ANK2: variants seen among roughly 807,000 people sequenced by gnomAD.
ANK2 encodes ankyrin-2.
Under a neutral mutation model 360.5 loss-of-function variants are expected in ANK2, and 83 were observed. The ratio of observed to expected loss-of-function variants is 0.23; its 90% CI spans 0.19 to 0.28. The LOEUF is 0.28. ANK2 is among the 10% of genes least tolerant of loss of function. The pLI, the probability that ANK2 is intolerant of heterozygous loss-of-function variation, is 1.00. For synonymous variants in ANK2, 1,740 were observed against 1,759.5 expected, an observed-to-expected ratio of 0.99 and a Z score of 0.28; for missense variants, 4,201 against 4,795.7, an observed-to-expected ratio of 0.88 and a Z score of 3.66.
chr4:112,789,833 C>T, the ANK2 span, among the ~76,000 whole-genome samples: 1 of 152,328 alleles, frequency 6.6e-6, no homozygotes. Context: ...CAAAACCTCT[C>T]TCTCTTTGCA....
chr4:113,355,162 T>C lies in ANK2; in HGVS notation c.6544T>C (p.Tyr2182His). 1 of 1,614,116 alleles carries C rather than the reference T, an allele frequency of 6.2e-7. No homozygotes were observed. The highest frequency in any genetic ancestry group is 8.5e-7 in the Non-Finnish European group (1 of 1,179,970). Residue 2182 changes from tyrosine (Y) to histidine (H), a missense_variant, in exon 38 of 46, where the codon TAC becomes CAC. By Grantham distance (83) the Tyr-to-His change is moderately conservative. This residue lies in a region of ANK2 where 2,642 missense variants were observed against 2,714.5 expected (regional missense o/e 0.97). Coordinates refer to ENST00000357077, the MANE Select transcript of ANK2 (RefSeq NM_001148.6). ...SPFNTTFPLD[Y>H]MKDEFLPALS... Reference sequence around the variant, plus strand: ...TTTCAACACAACATTTCCACTCGACTACATGAAAGATGAGTTCCTTCCAGC... The same window carrying C: ...TTTCAACACAACATTTCCACTCGACCACATGAAAGATGAGTTCCTTCCAGC...
intron 2 of ANK2, among the ~76,000 whole-genome samples, chr4:113,021,880 C>T (rs368613385): frequency 2.6e-5 from 4 of 152,064 alleles, no homozygotes; most frequent in South Asian, 4.1e-4. Context: ...TTAACAATAA[C>T]GAAAGTAATG....
At chr4:112,837,315 C>T (rs2061201141) in intron 1 of ANK2, among the ~76,000 whole-genome samples, 1 of 152,224 alleles carries the variant, frequency 6.6e-6, no homozygotes, top group Admixed American at 6.5e-5. Flanking sequence ...GGAAGCTCTG[C>T]CTAGATTTCA....
chr4:112,818,939 G>A (rs1185280978), intron 1 of ANK2, among the ~76,000 whole-genome samples: 1 of 152,114 alleles, frequency 6.6e-6, no homozygotes, highest in Admixed American at 6.5e-5. Flanking sequence ...CAATTAAGGA[G>A]TAGAGAGAAA....
chr4:112,912,298 G>A (rs937316691), intron 2 of ANK2, among the ~76,000 whole-genome samples: 1 of 152,134 alleles, frequency 6.6e-6, no homozygotes, highest in East Asian at 1.9e-4. Flanking sequence ...AGAAGGAACC[G>A]GTTATGTGAG....
At position 113,155,149 on chromosome 4, in the gene ANK2, C is replaced by T. The variant is rs2097236317; in HGVS notation, c.85-19267C>T. ...ATCTGCTAGATTCTGTAATGGCATA[C>T]TGCATACCATTTCATTTACTACTGA... On this transcript the variant is annotated intron_variant, in intron 1 of 45. Coordinates refer to ENST00000357077, the MANE Select transcript of ANK2 (RefSeq NM_001148.6). Among the ~76,000 whole-genome samples the T allele has an allele frequency of 3.3e-5, 5 of 152,288 alleles. No homozygotes were observed. The Middle Eastern group carries it at 0.01, about 311-fold the overall frequency.
At chr4:112,936,832 A>G (rs1238288595) in intron 2 of ANK2, among the ~76,000 whole-genome samples, 1 of 152,138 alleles carries the variant, frequency 6.6e-6, no homozygotes, top group African/African-American at 2.4e-5. Flanking sequence ...TCTGTTGCCC[A>G]GGCTGTAGTG....
At chr4:113,221,619 AC>A (rs1470000166) in intron 4 of ANK2, among the ~76,000 whole-genome samples, 1 of 151,982 alleles carries the variant, frequency 6.6e-6, no homozygotes, top group African/African-American at 2.4e-5. Context: ...AGATCGTGCC[AC>A]TGCACTCCAG....
the ANK2 span, among the ~76,000 whole-genome samples, chr4:112,792,194 A>G: frequency 6.6e-6 from 1 of 151,924 alleles, no homozygotes; most frequent in Non-Finnish European, 1.5e-5. Context: ...GGCATGCGCC[A>G]CCACACCTGG....
At chr4:112,732,245 GA>G in the ANK2 span, among the ~76,000 whole-genome samples, 1 of 145,444 alleles carries the variant, frequency 6.9e-6, no homozygotes, top group Middle Eastern at 3.6e-3. Flanking sequence ...ACAGAGTAGG[GA>G]TTTTTTTTTT....
intron 2 of ANK2, among the ~76,000 whole-genome samples, chr4:112,971,331 C>T (rs538359427): frequency 6.6e-5 from 10 of 152,290 alleles, no homozygotes; most frequent in African/African-American, 2.4e-4. Flanking sequence ...ACAAGGTAAC[C>T]TCTGTCCCAA....
chr4:112,759,947 G>C, the ANK2 span, among the ~76,000 whole-genome samples: 2 of 152,140 alleles, frequency 1.3e-5, no homozygotes, highest in Non-Finnish European at 2.9e-5. Flanking sequence ...AGGGCTGGAA[G>C]GATCCTTAGA....
At chr4:112,770,291 G>C in the ANK2 span, among the ~76,000 whole-genome samples, 3 of 152,274 alleles carry the variant, frequency 2.0e-5, no homozygotes, top group South Asian at 2.1e-4. Context: ...GCCCTCCCAG[G>C]GTGTGCCACA....
At chr4:113,124,746 T>C (rs990913955) in intron 1 of ANK2, among the ~76,000 whole-genome samples, 3 of 152,214 alleles carry the variant, frequency 2.0e-5, no homozygotes, top group Non-Finnish European at 2.9e-5. Context: ...TTAGCCTTTT[T>C]CTAGAGAAAT....
At chr4:112,809,324 GGCCGAGAC>G in the ANK2 span, among the ~76,000 whole-genome samples, 1 of 150,836 alleles carries the variant, frequency 6.6e-6, no homozygotes, top group African/African-American at 2.4e-5. Flanking sequence ...CACTTTGGGA[GGCCGAGAC>G]GGATGGATCA....
chr4:112,782,093 G>T, the ANK2 span, among the ~76,000 whole-genome samples: 1 of 152,148 alleles, frequency 6.6e-6, no homozygotes, highest in East Asian at 1.9e-4. Context: ...CTCCCAAAGT[G>T]CTGGAATTAC....
At chr4:112,964,050 A>G (rs951305683) in intron 2 of ANK2, among the ~76,000 whole-genome samples, 2 of 150,344 alleles carry the variant, frequency 1.3e-5, no homozygotes, top group Admixed American at 6.7e-5. Flanking sequence ...TTACCACCCT[A>G]TTATTTCCAG....
At chr4:112,790,707 C>G in the ANK2 span, among the ~76,000 whole-genome samples, 1 of 152,028 alleles carries the variant, frequency 6.6e-6, no homozygotes, top group Non-Finnish European at 1.5e-5. Context: ...AGGCTGGTCT[C>G]GAACTCCTGG....
intron 2 of ANK2, among the ~76,000 whole-genome samples, chr4:112,906,500 G>A (rs2085279711): frequency 6.6e-6 from 1 of 152,202 alleles, no homozygotes; most frequent in African/African-American, 2.4e-5. Context: ...CAGTGCAGAA[G>A]AAGGAGAGAG....
Sources: allele counts gnomAD v4.1 joint callset (sites outside exome capture counted in the v4.1 genomes callset), GRCh38; gene constraint gnomAD v4.1.1; regional missense constraint gnomAD v4.1.1; transcripts MANE v1.5; gene names NCBI Gene and HGNC (gene_info 2026-07-23, HGNC 2026-07-21).